PARD3: variants seen among roughly 807,000 people sequenced by gnomAD.
The protein encoded by PARD3 is partitioning defective 3 homolog.
Under a neutral mutation model 155.4 loss-of-function variants are expected in PARD3, and 75 were observed. The observed-to-expected ratio is 0.48, with a 90% CI of 0.40 to 0.58. The LOEUF is 0.58. PARD3 is among the 20% of genes least tolerant of loss of function. The pLI, the probability that PARD3 is intolerant of heterozygous loss-of-function variation, is 0.00. For synonymous variants in PARD3, 576 were observed against 610.5 expected (o/e 0.94, Z 0.83); for missense variants, 1,642 against 1,721.7 (o/e 0.95, Z 0.82).
At position 34,516,969 on chromosome 10, in the gene PARD3, T is replaced by C. The variant is rs760367412; in HGVS notation, c.403+10A>G. 2 of 1,611,394 alleles carry C rather than the reference T, an allele frequency of 1.2e-6. No individual in the cohort carries two copies. The highest frequency in any genetic ancestry group is 1.3e-5 in the African/African-American group (1 of 74,994). ...GATGAAATGGAAGAGAAGAAAGAGC[T>C]TTCACTTACTTGCTCGAAGGACTGA... On this transcript the variant is annotated intron_variant, in intron 3 of 24. Coordinates refer to ENST00000374788, the MANE Select transcript of PARD3 (RefSeq NM_001184785.2).
At chr10:34,573,706 C>G (rs1298398884) in intron 2 of PARD3, among the ~76,000 whole-genome samples, 1 of 56,648 alleles carries the variant, frequency 1.8e-5, no homozygotes, top group African/African-American at 5.1e-5. Context: ...GACTCCGTCT[C>G]AAAAACAAAC....
At chr10:34,201,323 G>T (rs1951199514) in intron 22 of PARD3, among the ~76,000 whole-genome samples, 1 of 152,158 alleles carries the variant, frequency 6.6e-6, no homozygotes, top group South Asian at 2.1e-4. Flanking sequence ...GAAAGGCTAA[G>T]AAATCATTTT....
chr10:34,456,479 G>A (rs1589644041), intron 4 of PARD3, among the ~76,000 whole-genome samples: 2 of 151,886 alleles, frequency 1.3e-5, no homozygotes, highest in Non-Finnish European at 2.9e-5. Context: ...TGTATTTTTA[G>A]TAGAGACAGG....
intron 3 of PARD3, among the ~76,000 whole-genome samples, chr10:34,507,579 T>G (rs1450210640): frequency 8.2e-6 from 1 of 121,924 alleles, no homozygotes; most frequent in East Asian, 2.3e-4. Flanking sequence ...GGAGATACTT[T>G]GTGGGCAAAA....
intron 5 of PARD3, among the ~76,000 whole-genome samples, chr10:34,420,416 C>CATAGGAGACAGATGCCCAAGATAAGGGT (rs1846076038): frequency 6.6e-6 from 1 of 152,158 alleles, no homozygotes; most frequent in African/African-American, 2.4e-5. Flanking sequence ...TCAGTTTATA[C>CATAGGAGACAGATGCCCAAGATAAGGGT]ATAGGAGACA....
At chr10:34,590,267 C>G (rs1008937939) in intron 2 of PARD3, among the ~76,000 whole-genome samples, 5 of 152,196 alleles carry the variant, frequency 3.3e-5, no homozygotes, top group African/African-American at 7.2e-5. Flanking sequence ...CCGGCCAGCC[C>G]ACACCAACGT....
At chr10:34,402,510 G>A (rs991469636) in intron 5 of PARD3, among the ~76,000 whole-genome samples, 5 of 152,112 alleles carry the variant, frequency 3.3e-5, no homozygotes, top group South Asian at 2.1e-4. Flanking sequence ...TAAGCCAATC[G>A]ACTGATTATT....
chr10:34,474,908 T>C (rs1486748013), intron 3 of PARD3, among the ~76,000 whole-genome samples: 1 of 152,182 alleles, frequency 6.6e-6, no homozygotes, highest in Non-Finnish European at 1.5e-5. Flanking sequence ...AACGTTACAT[T>C]AGCCATAAAC....
intron 2 of PARD3, among the ~76,000 whole-genome samples, chr10:34,667,656 A>G (rs2133218059): frequency 6.6e-6 from 1 of 152,346 alleles, no homozygotes; most frequent in African/African-American, 2.4e-5. Flanking sequence ...TAAGGCATTC[A>G]CATAGGGGTG....
intron 2 of PARD3, among the ~76,000 whole-genome samples, chr10:34,562,687 C>T (rs1026284463): frequency 6.6e-6 from 1 of 151,970 alleles, no homozygotes; most frequent in African/African-American, 2.4e-5. Flanking sequence ...AAATGATACA[C>T]CATCATTATC....
At chr10:34,358,454 A>G (rs1427949385) in intron 14 of PARD3, among the ~76,000 whole-genome samples, 1 of 152,174 alleles carries the variant, frequency 6.6e-6, no homozygotes, top group African/African-American at 2.4e-5. Context: ...TCCCATAGAG[A>G]AAGAGAAAAT....
intron 2 of PARD3, among the ~76,000 whole-genome samples, chr10:34,625,413 C>T (rs184397947): frequency 6.6e-6 from 1 of 152,280 alleles, no homozygotes; most frequent in Non-Finnish European, 1.5e-5. Flanking sequence ...CAGGGAAAGC[C>T]CATCTCCAGG....
rs765914842 is a variant in PARD3 at position 34,359,237 on chromosome 10, C to A, written c.1977G>T (p.Met659Ile). 6.2e-7 allele frequency: 1 copy of A among 1,613,582 alleles called. No individual in the cohort carries two copies. The highest frequency in any genetic ancestry group is 1.7e-5 in the Admixed American group (1 of 60,002). ...TAGACATAGACCTTCTTAGGGTTTC[C>A]ATGGCATCTTGGTTTGTCTTGCCCA... ...SLLGKTNQDA[M>I]ETLRRSMSTE... is the part of the protein sequence containing the mutation. Residue 659 changes from methionine (M) to isoleucine (I), a missense_variant, in exon 14 of 25, where the codon ATG (methionine) becomes ATT (isoleucine). Coordinates refer to ENST00000374788, the MANE Select transcript of PARD3 (RefSeq NM_001184785.2).
intron 1 of PARD3, among the ~76,000 whole-genome samples, chr10:34,790,989 CACTT>C (rs980381991): frequency 3.3e-5 from 5 of 152,314 alleles, no homozygotes; most frequent in African/African-American, 9.6e-5. Context: ...CAGACACACA[CACTT>C]ACTGATCATT....
At chr10:34,216,496 T>A (rs192118180) in intron 22 of PARD3, among the ~76,000 whole-genome samples, 5 of 152,278 alleles carry the variant, frequency 3.3e-5, no homozygotes, top group African/African-American at 1.2e-4. Flanking sequence ...CAGGACACTG[T>A]GTTATTGTAT....
chr10:34,802,838 G>A (rs10827427), intron 1 of PARD3, among the ~76,000 whole-genome samples: 118,768 of 151,884 alleles, frequency 0.78, 47,598 homozygotes, highest in African/African-American at 0.95. Flanking sequence ...GGGACAGTAC[G>A]GCTAACATGT....
intron 3 of PARD3, among the ~76,000 whole-genome samples, chr10:34,481,457 G>A (rs1420343050): frequency 6.6e-6 from 1 of 152,144 alleles, no homozygotes; most frequent in Non-Finnish European, 1.5e-5. Flanking sequence ...TATCAAAACA[G>A]GCATTGGCTA....
At chr10:34,349,970 A>G (rs922552640) in intron 14 of PARD3, among the ~76,000 whole-genome samples, 3 of 152,216 alleles carry the variant, frequency 2.0e-5, no homozygotes, top group African/African-American at 7.2e-5. Context: ...ACGTCTGTTC[A>G]GAAAAAAACC....
At chr10:34,508,318 A>C (rs2081206652) in intron 3 of PARD3, among the ~76,000 whole-genome samples, 1 of 152,224 alleles carries the variant, frequency 6.6e-6, no homozygotes, top group African/African-American at 2.4e-5. Flanking sequence ...AATGAAATAA[A>C]TCAGATACTT....
Sources: allele counts gnomAD v4.1 joint callset (sites outside exome capture counted in the v4.1 genomes callset), GRCh38; gene constraint gnomAD v4.1.1; transcripts MANE v1.5; gene names NCBI Gene and HGNC (gene_info 2026-07-23, HGNC 2026-07-21).